GLOD4: variants seen among roughly 807,000 people sequenced by gnomAD.
GLOD4 encodes glyoxalase domain containing 4, also known as glyoxalase domain-containing protein 4.
In GLOD4, 44 loss-of-function variants were observed where a neutral mutation model predicts 39.1. That is an observed-to-expected ratio of 1.13 (90% confidence interval 0.88 to 1.45). The LOEUF is 1.45. GLOD4 is among the 40% of genes most tolerant of loss of function. The probability of loss-of-function intolerance (pLI) is 0.00; values close to 1 mark genes in which losing one functional copy is unlikely to be tolerated. For synonymous variants in GLOD4, 145 were observed against 135.0 expected (o/e 1.07, Z -0.52); for missense variants, 405 against 366.4 (o/e 1.11, Z -0.86).
chr17:776,862 A>G lies in GLOD4; in HGVS notation c.261+6T>C. On this transcript the variant is annotated splice_donor_region_variant and intron_variant, in intron 3 of 8. Transcript: ENST00000301329. Reference sequence around the variant, plus strand: ...CAAAACTCTGCTAGAAAAAAACGGTATTTACCATAAAGTCATTGCCAAGCT... The same window carrying G: ...CAAAACTCTGCTAGAAAAAAACGGTGTTTACCATAAAGTCATTGCCAAGCT... 1 of 1,611,958 alleles carries G rather than the reference A, an allele frequency of 6.2e-7. No individual in the cohort carries two copies. Among genetic ancestry groups the G allele is most frequent in the South Asian group, 1.1e-5 (1 of 91,032 alleles).
chr17:782,440 C>T (rs757181649), upstream of GLOD4: 35 of 1,613,866 alleles, frequency 2.2e-5, no homozygotes, highest in East Asian at 3.6e-4. Context: ...GTGGTCCAGG[C>T]TTGGGACCTT....
chr17:782,019 C>A, intron 1 of GLOD4, 147 bp downstream of exon 1: 1 of 616,538 alleles, frequency 1.6e-6, no homozygotes, highest in South Asian at 2.0e-5. Flanking sequence ...TCGCCACGCT[C>A]CTGAAGCTGA....
upstream of GLOD4, among the ~76,000 whole-genome samples, chr17:784,454 A>G (rs1910439105): frequency 6.6e-6 from 1 of 151,964 alleles, no homozygotes; most frequent in South Asian, 2.1e-4. Context: ...CGTGCTTGTC[A>G]CTTGGGGCAG....
upstream of GLOD4, chr17:783,327 G>A (rs1457576196): frequency 6.2e-6 from 10 of 1,601,386 alleles, no homozygotes; most frequent in Non-Finnish European, 8.5e-6. Flanking sequence ...AGGAATAATG[G>A]GTTAGTGATT....
In GLOD4 at chr17:781,257, G is replaced by T. The variant is rs73975520; in HGVS notation, c.90+909C>A. 4.4e-3 allele frequency among the ~76,000 whole-genome samples: 665 copies of T among 152,260 alleles called. 3 individuals are homozygous for T. Among genetic ancestry groups the T allele is most frequent in the African/African-American group, 0.014 (600 of 41,540 alleles). ...TTGCAACAACCTTTTGATCGACGAG[G>T]AAATACTAACAAGGGACAGCTCTGT... On this transcript the variant is annotated intron_variant, in intron 1 of 8. Transcript: ENST00000301329.
At chr17:776,841 ACT>A (rs1273361080) in intron 3 of GLOD4, 25 bp downstream of exon 3, 2 of 1,598,168 alleles carry the variant, frequency 1.3e-6, no homozygotes, top group Admixed American at 1.7e-5. Flanking sequence ...CCCAGCCAAA[ACT>A]CTGCTAGAAA....
chr17:765,301 A>C (rs752166002), intron 8 of GLOD4: 9 of 150,986 alleles, frequency 6.0e-5, no homozygotes, highest in African/African-American at 9.6e-5. Context: ...CATCAACAAC[A>C]ACCACCTGTC....
Position 770,089 on chromosome 17 carries a change from G to T in GLOD4, c.699C>A (p.Asp233Glu). The T allele has an allele frequency of 6.2e-7, 1 of 1,612,888 alleles. No homozygotes were observed. Among genetic ancestry groups the T allele is most frequent in the Non-Finnish European group, 8.5e-7 (1 of 1,178,932 alleles). Reference sequence around the variant, plus strand: ...CCTGTACTGTTGCTTTCCCTGGGGTGTCCAGGCTCACCAGGGGAGTCAGAA... The same window carrying T: ...CCTGTACTGTTGCTTTCCCTGGGGTTTCCAGGCTCACCAGGGGAGTCAGAA... ...QKILTPLVSLDTPGKATVQVV... is the reference protein window; with the variant it reads ...QKILTPLVSLETPGKATVQVV... Residue 233 changes from aspartate (D) to glutamate (E), a missense_variant, in exon 7 of 9, where the codon GAC (aspartate) becomes GAA (glutamate). Transcript: ENST00000301329.
chr17:775,981 A>T, intron 3 of GLOD4, 62 bp from the exon 4 acceptor site: 2 of 1,403,540 alleles, frequency 1.4e-6, no homozygotes, highest in South Asian at 1.2e-5. Context: ...AGAACAAGAC[A>T]ATGAGCCCAA....
chr17:771,469 G>A lies in GLOD4; in HGVS notation c.407-8C>T. On this transcript the variant is annotated splice_region_variant and splice_polypyrimidine_tract_variant and intron_variant, in intron 4 of 8. Transcript: ENST00000301329. ...TTACTTTTAATACAGGATCTGTTGG[G>A]TAATAAAGCAGGAATAGACAGATCA... The A allele has an allele frequency of 1.3e-6, 2 of 1,533,662 alleles. No individual in the cohort carries two copies. Among genetic ancestry groups the A allele is most frequent in the Non-Finnish European group, 8.9e-7 (1 of 1,124,946 alleles).
chr17:782,293 G>C (rs577770039), upstream of GLOD4: 2 of 1,611,840 alleles, frequency 1.2e-6, no homozygotes, highest in South Asian at 2.2e-5. Flanking sequence ...GCACCGTACA[G>C]CCCAGTCCAC....
chr17:777,850 C>T (rs1909223199), intron 2 of GLOD4, among the ~76,000 whole-genome samples: 1 of 152,176 alleles, frequency 6.6e-6, no homozygotes, highest in South Asian at 2.1e-4. Flanking sequence ...AATGAAGTGA[C>T]TTAGAGTGGG....
intron 1 of GLOD4, among the ~76,000 whole-genome samples, chr17:781,531 C>G (rs2144496139): frequency 6.6e-6 from 1 of 152,258 alleles, no homozygotes; most frequent in South Asian, 2.1e-4. Context: ...TACACTAAAC[C>G]GCGCTCTTGC....
At chr17:782,535 G>C, upstream of GLOD4, 1 of 1,613,540 alleles carries the variant, frequency 6.2e-7, no homozygotes, top group Non-Finnish European at 8.5e-7. Context: ...ACAGAAGCGC[G>C]CTCCTGGGAA....
At position 771,433 on chromosome 17, in the gene GLOD4, C is replaced by T; in HGVS notation, c.435G>A (p.Val145=). 1 of 1,577,234 alleles carries T rather than the reference C, an allele frequency of 6.3e-7. No homozygotes were observed. The part of the protein sequence containing the change: ...SDPVLKVTLA[V]SDLQKSLNYW... ...AGTTCAAGGACTTTTGAAGATCAGA[C>T]ACTGCTAGAGTTACTTTTAATACAG... Residue 145 remains valine (V), a synonymous_variant, in exon 5 of 9, where the codon GTG becomes GTA. Transcript: ENST00000301329.
intron 8 of GLOD4, 131 bp from the exon 9 acceptor site, chr17:760,369 C>CAAAAAAAAA: frequency 1.7e-6 from 1 of 602,144 alleles, no homozygotes; most frequent in Non-Finnish European, 3.0e-6. Flanking sequence ...ACCCCCGCTC[C>CAAAAAAAAA]AAAAAAAAGA....
At chr17:768,930 A>G (rs1414352741) in intron 8 of GLOD4, among the ~76,000 whole-genome samples, 1 of 152,120 alleles carries the variant, frequency 6.6e-6, no homozygotes, top group Non-Finnish European at 1.5e-5. Flanking sequence ...AGAAGAAGAA[A>G]TCTGGAGAGG....
chr17:780,352 A>G (rs761548647), intron 1 of GLOD4, among the ~76,000 whole-genome samples: 2 of 152,172 alleles, frequency 1.3e-5, no homozygotes, highest in Non-Finnish European at 2.9e-5. Context: ...TCAAGATACT[A>G]TTAGAAGCAA....
upstream of GLOD4, chr17:783,648 A>T (rs1035801775): frequency 2.0e-5 from 4 of 202,702 alleles, no homozygotes; most frequent in Non-Finnish European, 4.1e-5. Context: ...TACACAGTGT[A>T]TCTTAAGGTG....
Sources: allele counts gnomAD v4.1 joint callset (sites outside exome capture counted in the v4.1 genomes callset), GRCh38; gene constraint gnomAD v4.1.1; transcripts MANE v1.5; gene names NCBI Gene and HGNC (gene_info 2026-07-23, HGNC 2026-07-21).